Variants in PRORP observed in about 807,000 individuals in gnomAD.
PRORP encodes protein only RNase P catalytic subunit.
A neutral mutation model predicts 59.4 loss-of-function variants in PRORP; 51 were observed. The ratio of observed to expected loss-of-function variants is 0.86; its 90% confidence interval spans 0.69 to 1.08. The LOEUF (loss-of-function observed/expected upper bound fraction) is 1.08. Among genes scored for constraint, PRORP ranks in the 50% least tolerant of loss-of-function variants. PRORP has a pLI of 0.00. For synonymous variants in PRORP, 231 were observed against 245.6 expected (o/e 0.94, Z 0.55); for missense variants, 646 against 690.3 (o/e 0.94, Z 0.72).
intron 5 of PRORP, among the ~76,000 whole-genome samples, chr14:35,219,941 C>T (rs1392519511): frequency 6.6e-6 from 1 of 152,156 alleles, no homozygotes; most frequent in Non-Finnish European, 1.5e-5. Context: ...TTAAAGTCTA[C>T]TTGTCTAAAT....
intron 4 of PRORP, among the ~76,000 whole-genome samples, chr14:35,166,170 A>C (rs955558043): frequency 2.0e-5 from 3 of 152,250 alleles, no homozygotes; most frequent in African/African-American, 7.2e-5. Context: ...TCTGCACTGA[A>C]GTAGAATTTC....
intron 4 of PRORP, among the ~76,000 whole-genome samples, chr14:35,146,643 A>G (rs906100423): frequency 6.6e-6 from 1 of 152,202 alleles, no homozygotes; most frequent in Non-Finnish European, 1.5e-5. Context: ...AAAATCTGAG[A>G]AAGAAATTTA....
intron 4 of PRORP, among the ~76,000 whole-genome samples, chr14:35,150,944 A>G (rs2047729630): frequency 6.6e-6 from 1 of 152,224 alleles, no homozygotes; most frequent in African/African-American, 2.4e-5. Flanking sequence ...TGCTAAGGGC[A>G]AGAGAGTCTT....
intron 2 of PRORP, among the ~76,000 whole-genome samples, chr14:35,125,039 C>G (rs538199052): frequency 6.6e-6 from 1 of 151,734 alleles, no homozygotes; most frequent in African/African-American, 2.4e-5. Context: ...TTTCTATTTT[C>G]TTTTTAGTAG....
intron 5 of PRORP, among the ~76,000 whole-genome samples, chr14:35,214,930 C>T (rs2049548014): frequency 6.6e-6 from 1 of 152,080 alleles, no homozygotes; most frequent in South Asian, 2.1e-4. Flanking sequence ...AGGTGGGTGT[C>T]TTGAGTGCCT....
rs1416201295 is a variant in PRORP, at chr14:35,123,205, TCAACA to T, written c.-40_-36del. Reference sequence around the variant, plus strand: ...ATTTTGCCATAGAAGAGGGGTTTTTTCAACATCTCTCTCACTATCTGGTGCTGATC... The same window carrying T: ...ATTTTGCCATAGAAGAGGGGTTTTTTTCTCTCTCACTATCTGGTGCTGATC... On this transcript the variant is annotated 5_prime_UTR_variant, in exon 2 of 8. Coordinates refer to ENST00000534898, the MANE Select transcript of PRORP (RefSeq NM_014672.4). 1 of 1,561,504 alleles carries T rather than the reference TCAACA, an allele frequency of 6.4e-7. No individual in the cohort carries two copies.
At chr14:35,185,286 T>G (rs11620951) in intron 5 of PRORP, among the ~76,000 whole-genome samples, 29,068 of 152,190 alleles carry the variant, frequency 0.19, 3,329 homozygotes, top group Non-Finnish European at 0.26. Flanking sequence ...GATATTGAGC[T>G]TTTTTTCATA....
intron 5 of PRORP, among the ~76,000 whole-genome samples, chr14:35,195,531 T>C (rs148852042): frequency 5.3e-5 from 8 of 152,274 alleles, no homozygotes; most frequent in African/African-American, 1.2e-4. Context: ...TCTTCCTTTA[T>C]ATAGTTATGT....
chr14:35,267,680 C>G (rs764460313), intron 6 of PRORP, among the ~76,000 whole-genome samples: 2 of 152,008 alleles, frequency 1.3e-5, no homozygotes, highest in South Asian at 4.2e-4. Context: ...ACTGAGGAGG[C>G]TGAGGCAGGA....
chr14:35,153,023 G>C (rs1316354988), intron 4 of PRORP, among the ~76,000 whole-genome samples: 1 of 152,252 alleles, frequency 6.6e-6, no homozygotes, highest in Non-Finnish European at 1.5e-5. Context: ...TCGGCACTTT[G>C]GGAGGCCAAG....
chr14:35,204,737 T>C (rs1482467137), intron 5 of PRORP, among the ~76,000 whole-genome samples: 1 of 152,226 alleles, frequency 6.6e-6, no homozygotes, highest in Non-Finnish European at 1.5e-5. Context: ...GCAAGTAACA[T>C]TTCTTAGATT....
rs1291837972 is a variant in PRORP, at chr14:35,123,617, G to A, written c.372G>A (p.Trp124Ter). The A allele has an allele frequency of 6.2e-6, 10 of 1,613,988 alleles. No individual in the cohort carries two copies. The Admixed American group carries it at 1.0e-4, about 16-fold the overall frequency. Reference protein sequence around the residue: ...LPTQPLNSEEWDKLKEDLKEN... With the variant: ...LPTQPLNSEE ...CACAACCTTTGAATTCAGAGGAGTG[G>A]GATAAACTTAAGGAAGATTTAAAAG... Residue 124 changes from tryptophan to a stop codon, truncating the protein, a stop_gained, in exon 2 of 8, where the codon TGG (tryptophan) becomes TGA (stop). Coordinates refer to ENST00000534898, the MANE Select transcript of PRORP (RefSeq NM_014672.4). LOFTEE classifies it high-confidence loss of function.
chr14:35,181,475 A>C (rs2048604049), intron 5 of PRORP, among the ~76,000 whole-genome samples: 1 of 152,142 alleles, frequency 6.6e-6, no homozygotes, highest in Non-Finnish European at 1.5e-5. Context: ...TCTGTAATTA[A>C]ACTATTTCTT....
At position 35,262,853 on chromosome 14, in the gene PRORP, TG is replaced by T. The variant is rs1293525437; in HGVS notation, c.1276-3873del. ...TCAGGGTTCGGATGAGAACAGGTGTTGCTTGTTCAGTATCTCAAGCCCAGAA... is the reference window on the plus strand; with the variant it reads ...TCAGGGTTCGGATGAGAACAGGTGTTCTTGTTCAGTATCTCAAGCCCAGAA... On this transcript the variant is annotated intron_variant, in intron 5 of 7. Coordinates refer to ENST00000534898, the MANE Select transcript of PRORP (RefSeq NM_014672.4). 2.6e-6 allele frequency: 4 copies of T among 1,525,488 alleles called. No individual in the cohort carries two copies. The African/African-American group carries it at 5.4e-5, about 21-fold the overall frequency. The allele number at this position is 1,525,488 out of a possible 1,614,324, so 94.5% of individuals were successfully genotyped here.
At chr14:35,175,105 G>C (rs1453579475) in intron 4 of PRORP, among the ~76,000 whole-genome samples, 1 of 151,936 alleles carries the variant, frequency 6.6e-6, no homozygotes, top group East Asian at 1.9e-4. Flanking sequence ...GGATTCCATG[G>C]TGTATATGTG....
chr14:35,158,130 TG>T, intron 4 of PRORP: 1 of 277,808 alleles, frequency 3.6e-6, no homozygotes, highest in Non-Finnish European at 7.1e-6. Context: ...TTCAAACACC[TG>T]CTCCATTTCC....
rs377398996 is a variant in PRORP at position 35,126,775 on chromosome 14, C to A, written c.1027C>A (p.Arg343=). The A allele has an allele frequency of 6.2e-7, 1 of 1,606,536 alleles. No homozygotes were observed. Among genetic ancestry groups the A allele is most frequent in the Non-Finnish European group, 8.5e-7 (1 of 1,176,154 alleles). ...ATGGAAAGGACAATTCACCACAGTC[C>A]GAAAAAGGTGAAGACCAATGTTTAT... ...KQWKGQFTTV[R]KSGQCSGCGK... is the part of the protein sequence containing the mutation. The change falls in exon 3 of 8, where the codon CGA becomes AGA. Residue 343 remains arginine (R), a synonymous_variant. Transcript: ENST00000534898.
intron 5 of PRORP, among the ~76,000 whole-genome samples, chr14:35,261,120 G>GT (rs1566534363): frequency 2.6e-5 from 4 of 152,142 alleles, no homozygotes; most frequent in South Asian, 2.1e-4. Context: ...CCTTTGTTGG[G>GT]TTTTTTTGTC....
In PRORP at chr14:35,256,456, T is replaced by C. The variant is rs561730626; in HGVS notation, c.1276-10271T>C. On this transcript the variant is annotated intron_variant, in intron 5 of 7. Coordinates refer to ENST00000534898, the MANE Select transcript of PRORP (RefSeq NM_014672.4). Reference sequence around the variant, plus strand: ...AAGCGATTCTCCTGCCTCAGCCTCCTGAGCATCTGCGATTACAGGCGCCTG... The same window carrying C: ...AAGCGATTCTCCTGCCTCAGCCTCCCGAGCATCTGCGATTACAGGCGCCTG... Among the ~76,000 whole-genome samples, 941 of 145,668 alleles carry C rather than the reference T, an allele frequency of 6.5e-3. 16 individuals carry two copies. The highest frequency in any genetic ancestry group is 0.023 in the African/African-American group (899 of 39,408).
Sources: gnomAD v4.1 joint callset for allele counts (sites outside exome capture counted in the v4.1 genomes callset) on GRCh38, gnomAD v4.1.1 for gene constraint, MANE v1.5 for transcripts, NCBI Gene and HGNC (gene_info 2026-07-23, HGNC 2026-07-21) for gene names.